HECW1: variants seen among roughly 807,000 people sequenced by gnomAD.
HECW1 encodes HECT, C2 and WW domain containing E3 ubiquitin protein ligase 1, also known as E3 ubiquitin-protein ligase HECW1.
In HECW1, 61 loss-of-function variants were observed where a neutral mutation model predicts 182.3. The observed-to-expected ratio is 0.33, with a 90% CI of 0.27 to 0.41. The LOEUF is 0.41. HECW1 is among the 10% of genes least tolerant of loss of function. The pLI is 1.00. For missense variants in HECW1, 1,739 were observed against 2,108.9 expected, an observed-to-expected ratio of 0.82 and a Z score of 3.44; for synonymous variants, 859 against 832.6, an observed-to-expected ratio of 1.03 and a Z score of -0.55.
chr7:43,340,216 C>T (rs1267896625), intron 5 of HECW1, among the ~76,000 whole-genome samples: 1 of 91,548 alleles, frequency 1.1e-5, no homozygotes. Flanking sequence ...CTAATTCCCA[C>T]CCCCCACCCC....
At chr7:43,187,105 G>T (rs1263976384) in intron 2 of HECW1, among the ~76,000 whole-genome samples, 3 of 152,226 alleles carry the variant, frequency 2.0e-5, no homozygotes, top group African/African-American at 7.2e-5. Flanking sequence ...GGTCTGCAGG[G>T]TCTGCTCCTA....
chr7:43,228,519 A>C (rs938563713), intron 2 of HECW1, among the ~76,000 whole-genome samples: 3 of 152,184 alleles, frequency 2.0e-5, no homozygotes, highest in Non-Finnish European at 2.9e-5. Flanking sequence ...GGGAACACTC[A>C]ATGTTGTTGA....
intron 2 of HECW1, among the ~76,000 whole-genome samples, chr7:43,237,510 C>T (rs887529982): frequency 3.3e-5 from 5 of 152,174 alleles, no homozygotes; most frequent in Non-Finnish European, 7.3e-5. Flanking sequence ...ACTTGCATGA[C>T]ATTGGGCATA....
rs143882215 is a variant in HECW1, at chr7:43,229,974, C to T, written c.-31-13901C>T. Among the ~76,000 whole-genome samples the T allele has an allele frequency of 1.8e-3, 276 of 152,318 alleles. 3 individuals are homozygous for T. The highest frequency in any genetic ancestry group is 6.5e-3 in the African/African-American group (269 of 41,558). On this transcript the variant is annotated intron_variant, in intron 2 of 29. Coordinates refer to ENST00000395891, the MANE Select transcript of HECW1 (RefSeq NM_015052.5). ...CAGCCTAATACCTCCTGTTACAGGG[C>T]ATTGAGGGTTCATCGTGGCTTCTGT... is the stretch of plus-strand genomic sequence containing the variant.
chr7:43,532,758 A>G (rs554195779), intron 24 of HECW1, among the ~76,000 whole-genome samples: 3 of 152,234 alleles, frequency 2.0e-5, no homozygotes, highest in East Asian at 1.9e-4. Context: ...CTCCCCCATC[A>G]TCACTTCCCC....
intron 3 of HECW1, among the ~76,000 whole-genome samples, chr7:43,302,603 G>A (rs532143452): frequency 2.5e-4 from 38 of 152,272 alleles, no homozygotes; most frequent in Non-Finnish European, 4.1e-4. Context: ...ACAAATGCCC[G>A]GTACGGGGCC....
At chr7:43,446,972 C>T (rs2077078006) in intron 11 of HECW1, among the ~76,000 whole-genome samples, 2 of 152,032 alleles carry the variant, frequency 1.3e-5, no homozygotes, top group South Asian at 2.1e-4. Context: ...GGACATTACT[C>T]GATAATTACA....
chr7:43,283,933 G>C (rs528298983), intron 3 of HECW1, among the ~76,000 whole-genome samples: 1 of 152,284 alleles, frequency 6.6e-6, no homozygotes, highest in Non-Finnish European at 1.5e-5. Context: ...CGGCTGCCTT[G>C]AGTGTCAGGA....
At chr7:43,346,115 T>G (rs1237161265) in intron 5 of HECW1, among the ~76,000 whole-genome samples, 1 of 152,210 alleles carries the variant, frequency 6.6e-6, no homozygotes, top group Non-Finnish European at 1.5e-5. Context: ...CCACCAGCAG[T>G]GTAGAAGTGT....
At chr7:43,395,733 T>C (rs1176456062) in intron 6 of HECW1, among the ~76,000 whole-genome samples, 1 of 152,202 alleles carries the variant, frequency 6.6e-6, no homozygotes, top group Non-Finnish European at 1.5e-5. Context: ...CAGGGGCACC[T>C]GCTTCAGTGT....
intron 3 of HECW1, among the ~76,000 whole-genome samples, chr7:43,244,695 A>G (rs1562725465): frequency 6.6e-6 from 1 of 152,042 alleles, no homozygotes; most frequent in East Asian, 1.9e-4. Context: ...ATTGATTCCC[A>G]CTGAGGTCTG....
rs111705561 is a variant in HECW1 at position 43,325,638 on chromosome 7, G to A, written c.460+4896G>A. Among the ~76,000 whole-genome samples, 106 of 151,894 alleles carry A rather than the reference G, an allele frequency of 7.0e-4. 2 individuals are homozygous for A. Among genetic ancestry groups the A allele is most frequent in the African/African-American group, 1.2e-3 (48 of 41,406 alleles). ...CCGCCCTTGTGTTGTCGTCACTGTC[G>A]TAGGCACCGCCTCCTCACAGCTGTC... On this transcript the variant is annotated intron_variant, in intron 5 of 29. Coordinates refer to ENST00000395891, the MANE Select transcript of HECW1 (RefSeq NM_015052.5).
intron 5 of HECW1, among the ~76,000 whole-genome samples, chr7:43,336,415 A>T (rs1232284375): frequency 6.6e-6 from 1 of 151,770 alleles, no homozygotes; most frequent in Non-Finnish European, 1.5e-5. Flanking sequence ...GTGGTCCTTC[A>T]CCTCAGCCTC....
chr7:43,177,603 C>T (rs7783707), intron 2 of HECW1, among the ~76,000 whole-genome samples: 34,498 of 152,214 alleles, frequency 0.23, 4,159 homozygotes, highest in Middle Eastern at 0.26. Context: ...CCTGGCTCTG[C>T]TACTTGTCAC....
At chr7:43,136,129 C>T (rs761459919) in intron 2 of HECW1, among the ~76,000 whole-genome samples, 10 of 151,902 alleles carry the variant, frequency 6.6e-5, no homozygotes, top group Non-Finnish European at 1.2e-4. Flanking sequence ...CTGATGTTTA[C>T]TAAATTATTA....
At position 43,550,452 on chromosome 7, in the gene HECW1, A is replaced by G; in HGVS notation, c.4256A>G (p.Glu1419Gly). The G allele has an allele frequency of 6.2e-7, 1 of 1,614,098 alleles. No individual in the cohort carries two copies. Among genetic ancestry groups the G allele is most frequent in the Non-Finnish European group, 8.5e-7 (1 of 1,179,994 alleles). Residue 1419 changes from glutamate to glycine, a missense_variant, in exon 27 of 30, where the codon GAA becomes GGA. Physicochemically the swap from Glu to Gly is moderately conservative, Grantham distance 98 (BLOSUM62 -2). This residue lies in a region of HECW1 where 420 missense variants were observed against 595.7 expected (regional missense o/e 0.71). Coordinates refer to ENST00000395891, the MANE Select transcript of HECW1 (RefSeq NM_015052.5). ...VNEEVFGQVT[E>G]RELKSGGANT... The stretch of plus-strand genomic sequence containing the variant: ...TTTCTGTTTTCCTACAAGGTCACGG[A>G]AAGGGAGTTGAAGTCTGGAGGAGCC...
chr7:43,441,610 T>C (rs1675268149), intron 9 of HECW1, among the ~76,000 whole-genome samples: 1 of 152,210 alleles, frequency 6.6e-6, no homozygotes, highest in Admixed American at 6.5e-5. Context: ...CAGGGCCAGG[T>C]AGTAAATATT....
At chr7:43,439,997 A>C (rs1056059168) in intron 9 of HECW1, 1 of 152,306 alleles carries the variant, frequency 6.6e-6, no homozygotes, top group Non-Finnish European at 1.5e-5. Flanking sequence ...GTGGCGGCGC[A>C]GAGCAGCTCC....
At chr7:43,381,892 G>A (rs1426595805) in intron 6 of HECW1, among the ~76,000 whole-genome samples, 1 of 152,070 alleles carries the variant, frequency 6.6e-6, no homozygotes, top group African/African-American at 2.4e-5. Context: ...TCAAACTCCT[G>A]GCCTCAAGCA....
Sources: gnomAD v4.1 joint callset for allele counts (sites outside exome capture counted in the v4.1 genomes callset) on GRCh38, gnomAD v4.1.1 for gene constraint, gnomAD v4.1.1 regional missense constraint, MANE v1.5 for transcripts, NCBI Gene and HGNC (gene_info 2026-07-23, HGNC 2026-07-21) for gene names.